The following FRMD4B variants were observed in gnomAD, a reference collection of about 807,000 sequenced individuals.
FRMD4B encodes FERM domain-containing protein 4B.
Under a neutral mutation model 141.5 loss-of-function variants are expected in FRMD4B, and 74 were observed. That is an observed-to-expected ratio of 0.52 (90% confidence interval 0.43 to 0.63). The LOEUF is 0.63. Ranked by LOEUF, FRMD4B falls within the 30% of genes least tolerant of loss-of-function variation. The pLI, the probability that FRMD4B is intolerant of heterozygous loss-of-function variation, is 0.00. For synonymous variants in FRMD4B, 506 were observed against 467.9 expected, an observed-to-expected ratio of 1.08 and a Z score of -1.05; for missense variants, 1,366 against 1,253.4, an observed-to-expected ratio of 1.09 and a Z score of -1.36.
chr3:69,196,116 A>T, intron 14 of FRMD4B, 139 bp downstream of exon 14: 1 of 653,430 alleles, frequency 1.5e-6, no homozygotes. Context: ...TTTTATTCAA[A>T]GCTGTCGCAT....
chr3:69,512,549 C>T (rs1706706347), intron 1 of FRMD4B, among the ~76,000 whole-genome samples: 1 of 151,952 alleles, frequency 6.6e-6, no homozygotes, highest in South Asian at 2.1e-4. Flanking sequence ...ATAGAGTTAC[C>T]CAGGGATCCA....
At chr3:69,410,417 G>A (rs1473990889) in intron 2 of FRMD4B, among the ~76,000 whole-genome samples, 1 of 151,916 alleles carries the variant, frequency 6.6e-6, no homozygotes, top group Non-Finnish European at 1.5e-5. Context: ...TGAGTATGAG[G>A]GTGAGCATGT....
rs1343067283 is a variant in FRMD4B, at chr3:69,311,348, G to C, written c.238C>G (p.Leu80Val). ...RLELLVQPKL[L>V]ARELLDLVAS... ...ACTAGGTCCAGCAACTCTCTTGCTAGAAGTTTGGGCTGTCAAAATAAAAAT... is the reference window on the plus strand; with the variant it reads ...ACTAGGTCCAGCAACTCTCTTGCTACAAGTTTGGGCTGTCAAAATAAAAAT... The change falls in exon 3 of 23, where the codon CTA (leucine) becomes GTA (valine). Residue 80 changes from leucine to valine, a missense_variant. Coordinates refer to ENST00000398540, the MANE Select transcript of FRMD4B (RefSeq NM_015123.3). 1 of 1,592,218 alleles carries C rather than the reference G, an allele frequency of 6.3e-7. No homozygotes were observed. Among genetic ancestry groups the C allele is most frequent in the East Asian group, 2.2e-5 (1 of 44,770 alleles).
intron 1 of FRMD4B, among the ~76,000 whole-genome samples, chr3:69,482,355 C>T (rs956607155): frequency 5.9e-5 from 9 of 152,080 alleles, no homozygotes; most frequent in South Asian, 2.1e-4. Flanking sequence ...TTGGGAATTA[C>T]GAGCCATGCC....
intron 1 of FRMD4B, among the ~76,000 whole-genome samples, chr3:69,500,942 C>T (rs916237377): frequency 6.6e-6 from 1 of 152,110 alleles, no homozygotes; most frequent in Non-Finnish European, 1.5e-5. Flanking sequence ...TCTAGGCACA[C>T]GCATGTACAC....
intron 1 of FRMD4B, among the ~76,000 whole-genome samples, chr3:69,480,508 G>T (rs1014299575): frequency 1.3e-5 from 2 of 152,168 alleles, no homozygotes; most frequent in African/African-American, 4.8e-5. Flanking sequence ...CGCAGTGGTG[G>T]CTGCAGAACA....
intron 1 of FRMD4B, among the ~76,000 whole-genome samples, chr3:69,454,698 C>A (rs1467859812): frequency 6.6e-6 from 1 of 152,214 alleles, no homozygotes; most frequent in Non-Finnish European, 1.5e-5. Context: ...GGACTGCAGC[C>A]CACCATGCCT....
chr3:69,257,898 C>T (rs2093502785), intron 5 of FRMD4B, among the ~76,000 whole-genome samples: 1 of 152,212 alleles, frequency 6.6e-6, no homozygotes, highest in South Asian at 2.1e-4. Flanking sequence ...GCGATCTCAG[C>T]TCACTGCAGC....
At chr3:69,402,343 A>G (rs905251880) in intron 2 of FRMD4B, among the ~76,000 whole-genome samples, 2 of 152,196 alleles carry the variant, frequency 1.3e-5, no homozygotes, top group African/African-American at 2.4e-5. Flanking sequence ...TAAACAAGGC[A>G]ATTACCAAGA....
Position 69,212,369 on chromosome 3 carries a change from A to AAAAG in FRMD4B, c.876+3893_876+3894insCTTT, listed in dbSNP as rs2093091618. On this transcript the variant is annotated intron_variant, in intron 11 of 22. Transcript: ENST00000398540. Reference sequence around the variant, plus strand: ...AGCGAAACCCCGTCTCAAAAAAAAAAAAAAAAAAAAAGAAAAAAAAAAAGA... The same window carrying AAAAG: ...AGCGAAACCCCGTCTCAAAAAAAAAAAAAGAAAAAAAAAAAGAAAAAAAAAAAGA... 5.4e-5 allele frequency among the ~76,000 whole-genome samples: 5 copies of AAAAG among 93,382 alleles called. 1 individual carries two copies. Among genetic ancestry groups the AAAAG allele is most frequent in the East Asian group, 5.1e-4 (2 of 3,926 alleles). 61.3% of individuals were successfully genotyped at this position (93,382 alleles called of 152,430 possible). A position where few individuals can be genotyped will look rare whatever the true frequency, so the allele number is the denominator to read the frequency against.
At position 69,413,242 on chromosome 3, in the gene FRMD4B, C is replaced by T. The variant is rs146760228; in HGVS notation, c.-1+19392G>A. ...TTATTGAGCATGAATGAGCCAAGTG[C>T]TTACATGTATTATAACTTCATTTAA... On this transcript the variant is annotated intron_variant, in intron 2 of 5. Transcript: ENST00000459638. 6.6e-4 allele frequency among the ~76,000 whole-genome samples: 100 copies of T among 152,216 alleles called. 1 individual carries two copies. Among genetic ancestry groups the T allele is most frequent in the African/African-American group, 2.3e-3 (95 of 41,534 alleles).
rs567933584 is a variant in FRMD4B at position 69,216,270 on chromosome 3, G to A, written c.869C>T (p.Pro290Leu). The A allele has an allele frequency of 4.6e-6, 7 of 1,527,080 alleles. No homozygotes were observed. In the South Asian group the frequency reaches 8.2e-5, roughly 18 times the overall value. 94.6% of individuals were successfully genotyped at this position (1,527,080 alleles called of 1,614,324 possible). A position where few individuals can be genotyped will look rare whatever the true frequency, so the allele number is the denominator to read the frequency against. Residue 290 changes from proline (P) to leucine (L), a missense_variant, in exon 11 of 23, where the codon CCT (proline) becomes CTT (leucine). Transcript: ENST00000398540. ...GQYDIQDKVK[P>L]RKLFQWKQLE... ...AAAGTGATCCACACTTACCTTCCGAGGCTTCACCTTGTCTTGTATATCATA... is the reference window on the plus strand; with the variant it reads ...AAAGTGATCCACACTTACCTTCCGAAGCTTCACCTTGTCTTGTATATCATA...
intron 2 of FRMD4B, among the ~76,000 whole-genome samples, chr3:69,396,352 A>C (rs1194326755): frequency 1.3e-5 from 2 of 152,080 alleles, no homozygotes; most frequent in East Asian, 3.9e-4. Context: ...TAAAAATCCA[A>C]AATTTAGCCA....
chr3:69,394,868 A>T (rs1704448054), intron 2 of FRMD4B, among the ~76,000 whole-genome samples: 1 of 152,194 alleles, frequency 6.6e-6, no homozygotes, highest in African/African-American at 2.4e-5. Flanking sequence ...CCTTCACAGG[A>T]CATGGATGAA....
rs894781333 is a variant in FRMD4B at position 69,335,575 on chromosome 3, C to T, written c.163-22058G>A. 3.3e-5 allele frequency among the ~76,000 whole-genome samples: 5 copies of T among 151,732 alleles called. No individual in the cohort carries two copies. In the East Asian group the frequency reaches 7.8e-4, roughly 24 times the overall value. ...TTGTGATCTGCCCACCTCGGCTTCC[C>T]AAAGTGTTGGGATTATGGGCATGAG... is the stretch of plus-strand genomic sequence containing the variant. On this transcript the variant is annotated intron_variant, in intron 1 of 22. Transcript: ENST00000398540.
intron 1 of FRMD4B, among the ~76,000 whole-genome samples, chr3:69,367,778 C>T (rs542674911): frequency 3.3e-5 from 5 of 152,144 alleles, no homozygotes; most frequent in Non-Finnish European, 7.4e-5. Flanking sequence ...AATCCTTGCA[C>T]GTGCGCCATT....
At chr3:69,209,828 TCTC>T (rs1290174687) in intron 11 of FRMD4B, among the ~76,000 whole-genome samples, 1 of 152,234 alleles carries the variant, frequency 6.6e-6, no homozygotes, top group African/African-American at 2.4e-5. Context: ...CATGTTCTCT[TCTC>T]CTACAGTTAA....
At chr3:69,414,861 G>GTTTTTTTTTTTTT (rs5849900) in intron 2 of FRMD4B, among the ~76,000 whole-genome samples, 1 of 98,044 alleles carries the variant, frequency 1.0e-5, no homozygotes, top group Non-Finnish European at 1.9e-5. Context: ...CGAACAAGCT[G>GTTTTTTTTTTTTT]TTTTTTTTTT....
chr3:69,279,726 C>G (rs2093635407), intron 5 of FRMD4B, among the ~76,000 whole-genome samples: 1 of 111,164 alleles, frequency 9.0e-6, no homozygotes, highest in Non-Finnish European at 1.9e-5. Flanking sequence ...TCCTCCCCTC[C>G]TCCTTCTCCT....
Sources: gnomAD v4.1 joint callset for allele counts (sites outside exome capture counted in the v4.1 genomes callset) on GRCh38, gnomAD v4.1.1 for gene constraint, MANE v1.5 for transcripts, NCBI Gene and HGNC (gene_info 2026-07-23, HGNC 2026-07-21) for gene names.